Variants in RFX3 observed in about 807,000 individuals in gnomAD.
RFX3 encodes the protein regulatory factor X3.
A neutral mutation model predicts 98.6 loss-of-function variants in RFX3; 14 were observed. The ratio of observed to expected loss-of-function variants is 0.14; its 90% CI spans 0.09 to 0.22. The LOEUF is 0.22. Among genes scored for constraint, RFX3 ranks in the 10% least tolerant of loss-of-function variants. The pLI, the probability that RFX3 is intolerant of heterozygous loss-of-function variation, is 1.00. For missense variants in RFX3, 639 were observed against 926.9 expected (o/e 0.69, Z 4.03); for synonymous variants, 383 against 328.4 (o/e 1.17, Z -1.80).
intron 1 of RFX3, among the ~76,000 whole-genome samples, chr9:3,494,318 T>C (rs1246853076): frequency 1.3e-5 from 2 of 152,206 alleles, no homozygotes; most frequent in Non-Finnish European, 2.9e-5. Flanking sequence ...CTTCAGATCT[T>C]AAATTTTTTG....
At chr9:3,288,335 T>C in intron 6 of RFX3, 85 bp from the exon 7 acceptor site, 1 of 1,216,784 alleles carries the variant, frequency 8.2e-7, no homozygotes, top group Non-Finnish European at 1.2e-6. Context: ...ACTTCACACT[T>C]GGAAAAATTT....
intron 15 of RFX3, among the ~76,000 whole-genome samples, chr9:3,230,695 T>G (rs943933708): frequency 3.3e-5 from 5 of 152,172 alleles, no homozygotes; most frequent in African/African-American, 1.2e-4. Context: ...AAGATACAGA[T>G]TTAAGGGAAT....
chr9:3,368,607 C>G (rs1245374063), intron 2 of RFX3, among the ~76,000 whole-genome samples: 1 of 152,160 alleles, frequency 6.6e-6, no homozygotes, highest in African/African-American at 2.4e-5. Flanking sequence ...TTTGACATCT[C>G]CGTGGTTTTT....
At chr9:3,486,968 G>C (rs1479926325) in intron 1 of RFX3, among the ~76,000 whole-genome samples, 4 of 152,080 alleles carry the variant, frequency 2.6e-5, no homozygotes, top group Non-Finnish European at 4.4e-5. Flanking sequence ...TGAAAAGGGA[G>C]CCATTTCTAG....
chr9:3,506,997 A>C (rs1434392615), intron 1 of RFX3, among the ~76,000 whole-genome samples: 1 of 151,976 alleles, frequency 6.6e-6, no homozygotes, highest in African/African-American at 2.4e-5. Context: ...ATTTGATTAG[A>C]GATTCCAAAT....
chr9:3,415,381 A>C (rs370121339), intron 1 of RFX3, among the ~76,000 whole-genome samples: 114 of 151,806 alleles, frequency 7.5e-4, no homozygotes, highest in African/African-American at 2.5e-3. Context: ...TGGCTAGCCA[A>C]CCAGTACCAT....
At chr9:3,348,380 C>T (rs192658421) in intron 2 of RFX3, among the ~76,000 whole-genome samples, 4 of 152,036 alleles carry the variant, frequency 2.6e-5, no homozygotes, top group Admixed American at 1.3e-4. Context: ...TATGTTGCCA[C>T]CTGGGTCTAT....
In RFX3 at chr9:3,248,023, C is replaced by T. The variant is rs531267447; in HGVS notation, c.1968+9G>A. The T allele has an allele frequency of 6.2e-6, 10 of 1,614,040 alleles. No individual in the cohort carries two copies. The Middle Eastern group carries it at 4.9e-4, about 80-fold the overall frequency. ...CCCAGTGGGTCACAGCTCTTTCAGCCTCTCTTACCTCGCCCATGACTGCTA... is the reference window on the plus strand; with the variant it reads ...CCCAGTGGGTCACAGCTCTTTCAGCTTCTCTTACCTCGCCCATGACTGCTA... On this transcript the variant is annotated intron_variant, in intron 15 of 16. Transcript: ENST00000617270.
At chr9:3,418,960 C>T (rs766469184) in intron 1 of RFX3, among the ~76,000 whole-genome samples, 3 of 152,138 alleles carry the variant, frequency 2.0e-5, no homozygotes, top group Non-Finnish European at 2.9e-5. Context: ...AGAAAAGTTA[C>T]GTATTAATGT....
intron 4 of RFX3, among the ~76,000 whole-genome samples, chr9:3,305,218 T>C (rs1464217228): frequency 1.3e-5 from 2 of 151,958 alleles, no homozygotes; most frequent in African/African-American, 4.8e-5. Context: ...TTCATGTATA[T>C]ATGGGAGTGG....
At chr9:3,383,379 ATAAAG>A (rs1001724341) in intron 2 of RFX3, among the ~76,000 whole-genome samples, 2 of 152,274 alleles carry the variant, frequency 1.3e-5, no homozygotes, top group African/African-American at 2.4e-5. Context: ...CCTTCTTGAC[ATAAAG>A]TAAATTATGT....
At chr9:3,321,809 A>G (rs1380201065) in intron 4 of RFX3, among the ~76,000 whole-genome samples, 1 of 152,138 alleles carries the variant, frequency 6.6e-6, no homozygotes, top group Non-Finnish European at 1.5e-5. Flanking sequence ...ATTTTGATAT[A>G]AAGACTAATA....
chr9:3,458,080 A>G (rs1847354433), intron 1 of RFX3, among the ~76,000 whole-genome samples: 1 of 152,174 alleles, frequency 6.6e-6, no homozygotes, highest in South Asian at 2.1e-4. Flanking sequence ...AGCATGTGCA[A>G]AGCCATGGCA....
intron 2 of RFX3, among the ~76,000 whole-genome samples, chr9:3,374,092 GCA>G (rs35924655): frequency 0.035 from 5,102 of 147,200 alleles, 109 homozygotes; most frequent in Admixed American, 0.05. Context: ...ACACACGCGC[GCA>G]CACACACACA....
intron 13 of RFX3, among the ~76,000 whole-genome samples, chr9:3,261,891 T>C (rs1440179733): frequency 6.6e-6 from 1 of 152,190 alleles, no homozygotes; most frequent in Non-Finnish European, 1.5e-5. Flanking sequence ...TGTATTTCCC[T>C]GGTGGCTAAT....
At chr9:3,495,568 A>G (rs2133571457) in intron 1 of RFX3, among the ~76,000 whole-genome samples, 1 of 152,262 alleles carries the variant, frequency 6.6e-6, no homozygotes, top group East Asian at 1.9e-4. Flanking sequence ...TTAACTTAAA[A>G]TGTGCAGAAC....
At chr9:3,434,228 G>T (rs1844916110) in intron 1 of RFX3, among the ~76,000 whole-genome samples, 1 of 152,074 alleles carries the variant, frequency 6.6e-6, no homozygotes, top group Non-Finnish European at 1.5e-5. Context: ...TGAGTGCCTA[G>T]ATCAGTGTCT....
intron 1 of RFX3, among the ~76,000 whole-genome samples, chr9:3,414,717 TGTATATATGAGTATATATGTATATATGA>T (rs1554700465): frequency 3.7e-5 from 5 of 133,644 alleles, no homozygotes; most frequent in Non-Finnish European, 6.3e-5. Flanking sequence ...TGAGTATATA[TGTATATATGAGTATATATGTATATATGA>T]GTATATATGA....
intron 4 of RFX3, among the ~76,000 whole-genome samples, chr9:3,307,573 G>A (rs1829473579): frequency 6.6e-6 from 1 of 152,142 alleles, no homozygotes; most frequent in African/African-American, 2.4e-5. Context: ...GAGTCTAAGG[G>A]AGAAGGCTTG....
Sources: allele counts gnomAD v4.1 joint callset (sites outside exome capture counted in the v4.1 genomes callset), GRCh38; gene constraint gnomAD v4.1.1; transcripts MANE v1.5; gene names NCBI Gene and HGNC (gene_info 2026-07-23, HGNC 2026-07-21).